Variants in TTC23 observed in about 807,000 individuals in gnomAD.
TTC23 encodes tetratricopeptide repeat protein 23.
A neutral mutation model predicts 55.1 loss-of-function variants in TTC23; 58 were observed. That is an observed-to-expected ratio of 1.05 (90% confidence interval 0.85 to 1.31). The LOEUF (loss-of-function observed/expected upper bound fraction) is 1.31, where lower values mean the gene tolerates loss of function less well. Ranked by LOEUF, TTC23 falls within the 50% of genes most tolerant of loss-of-function variation. The probability of loss-of-function intolerance (pLI) is 0.00; values close to 1 mark genes in which losing one functional copy is unlikely to be tolerated. For synonymous variants in TTC23, 203 were observed against 199.9 expected (o/e 1.02, Z -0.13); for missense variants, 516 against 534.4 (o/e 0.97, Z 0.34).
intron 12 of TTC23, among the ~76,000 whole-genome samples, chr15:99,142,673 C>G (rs1422777112): frequency 2.6e-5 from 4 of 152,172 alleles, no homozygotes; most frequent in African/African-American, 9.7e-5. Context: ...CCCTCATTCT[C>G]TAGGGAAAGA....
At chr15:99,226,703 C>G (rs1020009094) in intron 5 of TTC23, among the ~76,000 whole-genome samples, 1 of 152,086 alleles carries the variant, frequency 6.6e-6, no homozygotes, top group African/African-American at 2.4e-5. Flanking sequence ...TGTGCTGTTT[C>G]CTCTCCCTGG....
Position 99,231,488 on chromosome 15 carries a change from T to C in TTC23, c.-20-2756A>G, listed in dbSNP as rs954290186. 5.9e-5 allele frequency among the ~76,000 whole-genome samples: 9 copies of C among 152,256 alleles called. No individual in the cohort carries two copies. In the South Asian group the frequency reaches 1.9e-3, roughly 32 times the overall value. On this transcript the variant is annotated intron_variant, in intron 4 of 13. Transcript: ENST00000394132. ...AGACCTACATTAATGTGTGTGTTTG[T>C]GTCTTAATTTTGTTTTTTTTTGAGA... is the stretch of plus-strand genomic sequence containing the variant.
chr15:99,141,921 T>C (rs2068274833), intron 12 of TTC23, among the ~76,000 whole-genome samples: 1 of 152,314 alleles, frequency 6.6e-6, no homozygotes, highest in East Asian at 1.9e-4. Context: ...TGTTCTTTTA[T>C]TTAATGCATA....
upstream of TTC23, among the ~76,000 whole-genome samples, chr15:99,250,479 C>A (rs1452672722): frequency 6.6e-6 from 1 of 152,148 alleles, no homozygotes; most frequent in Non-Finnish European, 1.5e-5. Flanking sequence ...CATAGACAGG[C>A]TTTCCACAGA....
intron 12 of TTC23, among the ~76,000 whole-genome samples, chr15:99,146,211 C>T (rs1365071078): frequency 2.0e-5 from 3 of 152,230 alleles, no homozygotes; most frequent in African/African-American, 7.2e-5. Context: ...TGTGTACCCA[C>T]ATAGAAATTA....
chr15:99,228,179 AC>A (rs1275197635), intron 5 of TTC23, among the ~76,000 whole-genome samples: 2 of 152,250 alleles, frequency 1.3e-5, no homozygotes, highest in Non-Finnish European at 2.9e-5. Context: ...AATGAGTAAA[AC>A]TTTTGAGGAA....
At chr15:99,188,381 A>G (rs1383712831) in intron 9 of TTC23, among the ~76,000 whole-genome samples, 21 of 152,016 alleles carry the variant, frequency 1.4e-4, no homozygotes, top group Admixed American at 1.4e-3. Flanking sequence ...AATTTCTTGA[A>G]AATACTCTGG....
At chr15:99,227,353 T>G (rs1451155129) in intron 5 of TTC23, among the ~76,000 whole-genome samples, 1 of 152,188 alleles carries the variant, frequency 6.6e-6, no homozygotes, top group Non-Finnish European at 1.5e-5. Context: ...TCCCACTGAT[T>G]TGCATTTCTA....
intron 5 of TTC23, among the ~76,000 whole-genome samples, chr15:99,227,654 C>G (rs1233650094): frequency 6.6e-6 from 1 of 152,170 alleles, no homozygotes. Context: ...CAGTTCCTGC[C>G]CATAATCCAG....
intron 10 of TTC23, among the ~76,000 whole-genome samples, chr15:99,162,265 A>G (rs977298941): frequency 3.3e-5 from 5 of 152,190 alleles, no homozygotes; most frequent in Non-Finnish European, 5.9e-5. Flanking sequence ...ATTTTGATGG[A>G]TTTGGAGTAT....
upstream of TTC23, among the ~76,000 whole-genome samples, chr15:99,250,897 T>A (rs1023414013): frequency 6.6e-6 from 1 of 152,260 alleles, no homozygotes; most frequent in African/African-American, 2.4e-5. Context: ...CTAAATAACG[T>A]TGGCTTCGTT....
chr15:99,186,457 A>G (rs776071265), intron 9 of TTC23, among the ~76,000 whole-genome samples: 3 of 152,228 alleles, frequency 2.0e-5, no homozygotes, highest in Non-Finnish European at 4.4e-5. Context: ...CCGCCTATCA[A>G]ACTTTATAAG....
At chr15:99,147,957 A>G (rs1386856886) in intron 12 of TTC23, among the ~76,000 whole-genome samples, 4 of 152,142 alleles carry the variant, frequency 2.6e-5, no homozygotes, top group African/African-American at 9.7e-5. Flanking sequence ...GGATTCTAAC[A>G]TAAGGTATGG....
chr15:99,241,044 C>T (rs145769369), intron 3 of TTC23, among the ~76,000 whole-genome samples: 11 of 152,088 alleles, frequency 7.2e-5, no homozygotes, highest in African/African-American at 4.8e-5. Flanking sequence ...AGGCAGGGCG[C>T]GGGGGCTCAT....
At chr15:99,232,994 T>C (rs2079048297) in intron 4 of TTC23, among the ~76,000 whole-genome samples, 1 of 152,216 alleles carries the variant, frequency 6.6e-6, no homozygotes, top group African/African-American at 2.4e-5. Context: ...GACAACATGA[T>C]GAACCTGGAA....
chr15:99,197,071 A>G (rs1481129046), intron 9 of TTC23, among the ~76,000 whole-genome samples: 1 of 149,804 alleles, frequency 6.7e-6, no homozygotes. Flanking sequence ...TTGCTCCCTC[A>G]TATCTCACCT....
At chr15:99,166,476 G>C (rs2072108873) in intron 10 of TTC23, among the ~76,000 whole-genome samples, 2 of 152,124 alleles carry the variant, frequency 1.3e-5, no homozygotes, top group South Asian at 4.1e-4. Flanking sequence ...TTTCCAAAGA[G>C]GATGCTTGTC....
intron 8 of TTC23, among the ~76,000 whole-genome samples, chr15:99,207,701 G>A (rs936058556): frequency 1.3e-5 from 2 of 152,222 alleles, no homozygotes; most frequent in Non-Finnish European, 2.9e-5. Flanking sequence ...AGGATGCAGT[G>A]AGCTGAGATC....
At chr15:99,219,633 A>C (rs552339184) in intron 6 of TTC23, among the ~76,000 whole-genome samples, 2 of 151,648 alleles carry the variant, frequency 1.3e-5, no homozygotes, top group East Asian at 3.9e-4. Flanking sequence ...AAAGTGGAGC[A>C]AAAAAAAATC....
Sources: allele counts gnomAD v4.1 joint callset (sites outside exome capture counted in the v4.1 genomes callset), GRCh38; gene constraint gnomAD v4.1.1; transcripts MANE v1.5; gene names NCBI Gene and HGNC (gene_info 2026-07-23, HGNC 2026-07-21).